The following ZNG1A variants were observed in gnomAD, a reference collection of about 807,000 sequenced individuals.
The protein encoded by ZNG1A is zinc-regulated GTPase metalloprotein activator 1A.
At chr9:140,649 G>A in the ZNG1A span, among the ~76,000 whole-genome samples, 1 of 151,702 alleles carries the variant, frequency 6.6e-6, no homozygotes, top group Non-Finnish European at 1.5e-5. Flanking sequence ...CTCCTCCAAA[G>A]GAACGCAGCT....
the ZNG1A span, among the ~76,000 whole-genome samples, chr9:129,311 G>C: frequency 6.6e-6 from 1 of 151,964 alleles, no homozygotes; most frequent in Non-Finnish European, 1.5e-5. Context: ...TTTCTTGCTT[G>C]ATAAGAGAAG....
the ZNG1A span, among the ~76,000 whole-genome samples, chr9:143,728 T>G: frequency 8.2e-6 from 1 of 121,800 alleles, no homozygotes; most frequent in Non-Finnish European, 1.6e-5. Context: ...TAAAGGGTAC[T>G]CAATTAGGAA....
At chr9:144,612 T>A in the ZNG1A span, among the ~76,000 whole-genome samples, 17 of 151,966 alleles carry the variant, frequency 1.1e-4, no homozygotes, top group East Asian at 1.2e-3. Flanking sequence ...AACCTAGGCA[T>A]TACCATTCAG....
At chr9:154,795 T>G in the ZNG1A span, 1 of 1,542,884 alleles carries the variant, frequency 6.5e-7, no homozygotes, top group Non-Finnish European at 8.8e-7. Context: ...AAGCAACTTG[T>G]CTAAAATAGC....
At chr9:141,756 A>C in the ZNG1A span, among the ~76,000 whole-genome samples, 1 of 151,876 alleles carries the variant, frequency 6.6e-6, no homozygotes. Context: ...CAAATTGGAT[A>C]AAGAGTCAAG....
At chr9:140,650 G>C in the ZNG1A span, among the ~76,000 whole-genome samples, 8 of 151,650 alleles carry the variant, frequency 5.3e-5, no homozygotes, top group African/African-American at 9.7e-5. Flanking sequence ...TCCTCCAAAG[G>C]AACGCAGCTC....
chr9:124,189 A>C, the ZNG1A span, among the ~76,000 whole-genome samples: 12 of 151,234 alleles, frequency 7.9e-5, no homozygotes, highest in South Asian at 2.3e-3. Flanking sequence ...AAGAAACAGA[A>C]GCTTAACATT....
chr9:156,291 A>G, the ZNG1A span, among the ~76,000 whole-genome samples: 1 of 151,496 alleles, frequency 6.6e-6, no homozygotes, highest in Non-Finnish European at 1.5e-5. Context: ...TACGACAAAA[A>G]TGACTTTAAG....
chr9:156,495 G>C, the ZNG1A span: 1 of 1,595,252 alleles, frequency 6.3e-7, no homozygotes, highest in East Asian at 2.2e-5. Flanking sequence ...TAGCTTCATT[G>C]ATAAGGCCAT....
At chr9:140,704 G>C in the ZNG1A span, among the ~76,000 whole-genome samples, 8 of 152,008 alleles carry the variant, frequency 5.3e-5, no homozygotes, top group African/African-American at 1.5e-4. Context: ...TGACTTTGAC[G>C]AGCTGAGAGA....
chr9:171,998 C>T, the ZNG1A span: 1 of 1,598,216 alleles, frequency 6.3e-7, no homozygotes, highest in Admixed American at 1.7e-5. Context: ...AGCTTTAATC[C>T]TCATTTTAGA....
chr9:159,009 A>T, the ZNG1A span, among the ~76,000 whole-genome samples: 2 of 152,224 alleles, frequency 1.3e-5, no homozygotes, highest in East Asian at 3.9e-4. Flanking sequence ...TTGGTCATTA[A>T]GTCAGATGAC....
At chr9:125,069 A>G in the ZNG1A span, among the ~76,000 whole-genome samples, 1 of 152,178 alleles carries the variant, frequency 6.6e-6, no homozygotes, top group Non-Finnish European at 1.5e-5. Flanking sequence ...CTGGGTGGAT[A>G]CCTAGTAGTG....
At chr9:137,514 C>T in the ZNG1A span, among the ~76,000 whole-genome samples, 1 of 152,066 alleles carries the variant, frequency 6.6e-6, no homozygotes, top group Non-Finnish European at 1.5e-5. Flanking sequence ...CCAGACACGG[C>T]GGATGAAAGG....
At chr9:163,975 T>C in the ZNG1A span, 1 of 1,593,900 alleles carries the variant, frequency 6.3e-7, no homozygotes, top group East Asian at 2.2e-5. Flanking sequence ...TTTTTTAACT[T>C]ACCATCAAGA....
At chr9:144,592 C>T in the ZNG1A span, among the ~76,000 whole-genome samples, 1 of 151,898 alleles carries the variant, frequency 6.6e-6, no homozygotes, top group African/African-American at 2.4e-5. Context: ...CCATAAAAAC[C>T]CTAGAAGAAA....
the ZNG1A span, among the ~76,000 whole-genome samples, chr9:155,797 AAC>A: frequency 6.6e-6 from 1 of 151,402 alleles, no homozygotes; most frequent in African/African-American, 2.4e-5. Flanking sequence ...TCATAAGGAA[AAC>A]AGTTACAAAA....
the ZNG1A span, among the ~76,000 whole-genome samples, chr9:129,522 A>G: frequency 6.7e-6 from 1 of 150,252 alleles, no homozygotes; most frequent in South Asian, 2.1e-4. Flanking sequence ...TACAACATGG[A>G]TGAATCTTGA....
At chr9:171,347 A>T in the ZNG1A span, among the ~76,000 whole-genome samples, 1 of 152,136 alleles carries the variant, frequency 6.6e-6, no homozygotes, top group Non-Finnish European at 1.5e-5. Context: ...AAAAAAAAAA[A>T]TAATGGTATG....
Sources: gnomAD v4.1 joint callset for allele counts (sites outside exome capture counted in the v4.1 genomes callset) on GRCh38, gnomAD v4.1.1 for gene constraint, MANE v1.5 for transcripts, NCBI Gene and HGNC (gene_info 2026-07-23, HGNC 2026-07-21) for gene names.